SORCS3: variants seen among roughly 807,000 people sequenced by gnomAD.
SORCS3 encodes VPS10 domain-containing receptor SorCS3.
In SORCS3, 57 loss-of-function variants were observed where a neutral mutation model predicts 146.3. The observed-to-expected ratio is 0.39, with a 90% CI of 0.31 to 0.49. The LOEUF is 0.49. SORCS3 is among the 20% of genes least tolerant of loss of function. SORCS3 has a pLI of 0.92. For synonymous variants in SORCS3, 653 were observed against 618.5 expected (o/e 1.06, Z -0.83); for missense variants, 1,341 against 1,575.5 (o/e 0.85, Z 2.52).
At chr10:104,704,029 G>A (rs1415001527) in intron 1 of SORCS3, among the ~76,000 whole-genome samples, 1 of 152,180 alleles carries the variant, frequency 6.6e-6, no homozygotes, top group African/African-American at 2.4e-5. Flanking sequence ...TGGGTGGTTG[G>A]ATAAGCATTT....
intron 4 of SORCS3, among the ~76,000 whole-genome samples, chr10:105,006,642 C>T (rs1472724773): frequency 6.6e-6 from 1 of 152,150 alleles, no homozygotes; most frequent in African/African-American, 2.4e-5. Flanking sequence ...CTTCTCTGGC[C>T]TTATCTCTCT....
At chr10:105,257,731 T>C (rs2056939609) in intron 25 of SORCS3, among the ~76,000 whole-genome samples, 1 of 152,214 alleles carries the variant, frequency 6.6e-6, no homozygotes, top group Admixed American at 6.5e-5. Context: ...TAATATTTTA[T>C]AGGTTTGCTA....
intron 1 of SORCS3, among the ~76,000 whole-genome samples, chr10:104,812,455 A>G (rs2017751604): frequency 6.6e-6 from 1 of 152,056 alleles, no homozygotes; most frequent in South Asian, 2.1e-4. Context: ...AATAAACAAA[A>G]CCTCTTCTAC....
At chr10:105,069,495 G>A (rs1038941971) in intron 5 of SORCS3, among the ~76,000 whole-genome samples, 2 of 152,166 alleles carry the variant, frequency 1.3e-5, no homozygotes. Flanking sequence ...TAGAGTTGCT[G>A]TAAAGATTTC....
chr10:105,158,304 G>C (rs1589661373), intron 10 of SORCS3, among the ~76,000 whole-genome samples: 1 of 152,060 alleles, frequency 6.6e-6, no homozygotes, highest in South Asian at 2.1e-4. Flanking sequence ...ACACTCCAAT[G>C]GGGATAGATG....
At chr10:104,981,736 G>T (rs1207122693) in intron 4 of SORCS3, among the ~76,000 whole-genome samples, 1 of 152,202 alleles carries the variant, frequency 6.6e-6, no homozygotes, top group Admixed American at 6.5e-5. Flanking sequence ...ACATGCTCAT[G>T]TATTCACAGA....
chr10:105,177,884 A>G (rs1589674339), intron 13 of SORCS3, among the ~76,000 whole-genome samples, 182 bp from the exon 14 acceptor site: 1 of 152,176 alleles, frequency 6.6e-6, no homozygotes. Flanking sequence ...GCCCAAGTCC[A>G]GAAATGCAGT....
intron 1 of SORCS3, among the ~76,000 whole-genome samples, chr10:104,688,522 C>T (rs1333739865): frequency 2.6e-5 from 4 of 152,196 alleles, no homozygotes; most frequent in East Asian, 1.9e-4. Context: ...CGGTGGGGAC[C>T]GCTTCTGTTT....
chr10:105,015,963 C>T (rs772558205), intron 4 of SORCS3, among the ~76,000 whole-genome samples: 16 of 151,242 alleles, frequency 1.1e-4, no homozygotes, highest in Non-Finnish European at 2.4e-4. Flanking sequence ...CTCCTGACTT[C>T]GTGATCTGCC....
In SORCS3 at chr10:105,167,261, T is replaced by A; in HGVS notation, c.1813T>A (p.Phe605Ile). ...GTTGTTGTTGTTGTTGTTCCAGATC[T>A]TTGATGAAGAGTACAATGTCTGGTT... ...SDGGNTWRQI[F>I]DEEYNVWFLD... The change falls in exon 13 of 27, where the codon TTT becomes ATT. Residue 605 changes from phenylalanine to isoleucine, a missense_variant. Phe to Ile is a conservative substitution (Grantham distance 21). Coordinates refer to ENST00000369701, the MANE Select transcript of SORCS3 (RefSeq NM_014978.3). 1 of 1,612,042 alleles carries A rather than the reference T, an allele frequency of 6.2e-7. No homozygotes were observed. The highest frequency in any genetic ancestry group is 1.1e-5 in the South Asian group (1 of 90,950).
chr10:104,690,594 T>C lies in SORCS3; in HGVS notation c.627+48640T>C, dbSNP rs540544515. Among the ~76,000 whole-genome samples, 26 of 152,308 alleles carry C rather than the reference T, an allele frequency of 1.7e-4. 1 individual carries two copies. In the South Asian group the frequency reaches 5.4e-3, roughly 32 times the overall value. On this transcript the variant is annotated intron_variant, in intron 1 of 26. Transcript: ENST00000369701. ...GTAATCCAGAATGTAGATTCAGAGG[T>C]GTGGGCTTTTGTGTTGCAGGAACCT...
At chr10:105,093,463 G>C (rs1262970063) in intron 6 of SORCS3, among the ~76,000 whole-genome samples, 1 of 152,070 alleles carries the variant, frequency 6.6e-6, no homozygotes, top group Non-Finnish European at 1.5e-5. Context: ...AAAAGATACT[G>C]TTAAAACACT....
At position 104,678,120 on chromosome 10, in the gene SORCS3, T is replaced by G. The variant is rs1479228955; in HGVS notation, c.627+36166T>G. On this transcript the variant is annotated intron_variant, in intron 1 of 26. Transcript: ENST00000369701. ...AATTGTGAGGTTGCCGAAGTTAAAT[T>G]TCTTACCTGGGCATAGACCCATTGA... Among the ~76,000 whole-genome samples the G allele has an allele frequency of 3.3e-5, 5 of 149,778 alleles. No homozygotes were observed. In the Admixed American group the frequency reaches 3.4e-4, roughly 10 times the overall value.
At chr10:105,104,142 A>G (rs1319627078) in intron 6 of SORCS3, among the ~76,000 whole-genome samples, 1 of 152,146 alleles carries the variant, frequency 6.6e-6, no homozygotes, top group African/African-American at 2.4e-5. Context: ...GTAGCCCCTG[A>G]CACCTCTGCA....
intron 1 of SORCS3, among the ~76,000 whole-genome samples, chr10:104,700,693 A>G (rs1411013451): frequency 1.3e-5 from 2 of 152,132 alleles, no homozygotes; most frequent in African/African-American, 4.8e-5. Flanking sequence ...TCAAAGTGAT[A>G]CCAACTGATG....
chr10:104,944,986 C>T (rs566514046), intron 3 of SORCS3, among the ~76,000 whole-genome samples: 46 of 152,260 alleles, frequency 3.0e-4, no homozygotes, highest in Middle Eastern at 3.4e-3. Flanking sequence ...AATAATTCAT[C>T]CAATGTAATA....
rs2056909616 is a variant in SORCS3, at chr10:105,252,911, G to C, written c.3237+5G>C. The C allele has an allele frequency of 6.2e-7, 1 of 1,613,590 alleles. No individual in the cohort carries two copies. Among genetic ancestry groups the C allele is most frequent in the Non-Finnish European group, 8.5e-7 (1 of 1,179,742 alleles). On this transcript the variant is annotated splice_donor_5th_base_variant and intron_variant, in intron 23 of 26. Coordinates refer to ENST00000369701, the MANE Select transcript of SORCS3 (RefSeq NM_014978.3). ...AATGAAGGGGACCTGGAACAAGTAA[G>C]TGAAAGTAAATCTGGCTGGGACCCT...
chr10:104,733,886 G>A (rs1272260874), intron 1 of SORCS3, among the ~76,000 whole-genome samples: 4 of 152,232 alleles, frequency 2.6e-5, no homozygotes, highest in East Asian at 3.9e-4. Context: ...CCCTCGGAAC[G>A]AAAAGATGGG....
intron 1 of SORCS3, among the ~76,000 whole-genome samples, chr10:104,692,177 T>C (rs899065730): frequency 6.6e-6 from 1 of 152,076 alleles, no homozygotes; most frequent in Admixed American, 6.6e-5. Context: ...TTTTTCCTCC[T>C]TCCTTCTCAG....
Sources: gnomAD v4.1 joint callset for allele counts (sites outside exome capture counted in the v4.1 genomes callset) on GRCh38, gnomAD v4.1.1 for gene constraint, MANE v1.5 for transcripts, NCBI Gene and HGNC (gene_info 2026-07-23, HGNC 2026-07-21) for gene names.